THSD7B: variants seen among roughly 807,000 people sequenced by gnomAD.
THSD7B encodes thrombospondin type-1 domain-containing protein 7B.
Under a neutral mutation model 213.6 loss-of-function variants are expected in THSD7B, and 138 were observed. The ratio of observed to expected loss-of-function variants is 0.65; its 90% CI spans 0.56 to 0.74. The LOEUF (loss-of-function observed/expected upper bound fraction) is 0.74. Among genes scored for constraint, THSD7B ranks in the 30% least tolerant of loss-of-function variants. The pLI is 0.00. For synonymous variants in THSD7B, 742 were observed against 687.0 expected (o/e 1.08, Z -1.25); for missense variants, 1,931 against 1,991.5 (o/e 0.97, Z 0.58).
At chr2:137,462,506 C>T (rs771894952) in intron 15 of THSD7B, among the ~76,000 whole-genome samples, 10 of 152,002 alleles carry the variant, frequency 6.6e-5, no homozygotes, top group Non-Finnish European at 1.2e-4. Flanking sequence ...TAAGCCAATA[C>T]GAATTCATGA....
At chr2:137,431,796 A>G (rs980884016) in intron 14 of THSD7B, among the ~76,000 whole-genome samples, 8 of 152,340 alleles carry the variant, frequency 5.3e-5, no homozygotes, top group East Asian at 3.9e-4. Context: ...TATTGAAGTC[A>G]GGAGAAAGAA....
At chr2:137,150,439 C>T (rs1446844503) in intron 5 of THSD7B, among the ~76,000 whole-genome samples, 1 of 152,082 alleles carries the variant, frequency 6.6e-6, no homozygotes, top group Admixed American at 6.5e-5. Context: ...TACCTCCATG[C>T]TGTTCTCATG....
intron 17 of THSD7B, among the ~76,000 whole-genome samples, chr2:137,594,470 C>T (rs898188079): frequency 6.6e-6 from 1 of 151,972 alleles, no homozygotes; most frequent in African/African-American, 2.4e-5. Flanking sequence ...TAATGGCCCC[C>T]ACTTCTATAC....
chr2:137,533,135 T>G (rs1680431399), intron 15 of THSD7B, among the ~76,000 whole-genome samples: 1 of 151,720 alleles, frequency 6.6e-6, no homozygotes. Flanking sequence ...CAAAATATAT[T>G]TGTTTTCATT....
At chr2:137,183,366 A>T (rs1211017880) in intron 7 of THSD7B, among the ~76,000 whole-genome samples, 4 of 152,144 alleles carry the variant, frequency 2.6e-5, no homozygotes, top group Non-Finnish European at 5.9e-5. Flanking sequence ...AGATAACATG[A>T]AGGCTTAATG....
chr2:137,313,784 A>T (rs537094502), intron 12 of THSD7B, among the ~76,000 whole-genome samples: 30 of 152,288 alleles, frequency 2.0e-4, no homozygotes, highest in African/African-American at 7.2e-4. Context: ...TTGGCTGTAT[A>T]TGAAATTCTG....
At chr2:137,039,786 T>G (rs2104860444) in intron 2 of THSD7B, among the ~76,000 whole-genome samples, 1 of 152,340 alleles carries the variant, frequency 6.6e-6, no homozygotes, top group African/African-American at 2.4e-5. Flanking sequence ...ACAAACTTGC[T>G]TCCCCCCGTT....
chr2:136,788,456 T>C (rs1289301939), intron 1 of THSD7B, among the ~76,000 whole-genome samples: 1 of 152,204 alleles, frequency 6.6e-6, no homozygotes, highest in African/African-American at 2.4e-5. Flanking sequence ...ATCTGTTTGT[T>C]TTATAGTCAT....
intron 5 of THSD7B, among the ~76,000 whole-genome samples, chr2:137,118,534 G>A (rs1487975352): frequency 6.6e-6 from 1 of 152,176 alleles, no homozygotes; most frequent in East Asian, 1.9e-4. Context: ...TGGTGTGGTT[G>A]TAGTGGAGCA....
chr2:137,501,530 A>T (rs1199886690), intron 15 of THSD7B, among the ~76,000 whole-genome samples: 1 of 152,172 alleles, frequency 6.6e-6, no homozygotes, highest in Non-Finnish European at 1.5e-5. Flanking sequence ...ATGAAAATGA[A>T]TTCATTCTTC....
intron 14 of THSD7B, among the ~76,000 whole-genome samples, chr2:137,430,742 A>G (rs1022192336): frequency 6.6e-6 from 1 of 152,226 alleles, no homozygotes. Context: ...ATTTGAATAA[A>G]ATCAAAGGTA....
In THSD7B at chr2:137,616,035, A is replaced by G. The variant is rs892463572; in HGVS notation, c.3424-140A>G. ...TTATAATCATTCACAGAATGGTTTC[A>G]TTTTCTAAGTAATATGTTTAACCCT... On this transcript the variant is annotated intron_variant, in intron 17 of 27. Coordinates refer to ENST00000409968, the MANE Select transcript of THSD7B (RefSeq NM_001316349.2). 7.3e-6 allele frequency: 6 copies of G among 823,960 alleles called. No homozygotes were observed. In the African/African-American group the frequency reaches 8.9e-5, roughly 12 times the overall value. 51.0% of individuals were successfully genotyped at this position (823,960 alleles called of 1,614,324 possible).
At chr2:137,421,040 C>T (rs1343799720) in intron 14 of THSD7B, among the ~76,000 whole-genome samples, 1 of 5,770 alleles carries the variant, frequency 1.7e-4, no homozygotes, top group Non-Finnish European at 4.1e-3. Context: ...TGCAGCAAAC[C>T]TTTTGACTCC....
intron 1 of THSD7B, among the ~76,000 whole-genome samples, chr2:136,787,227 G>C (rs1681876605): frequency 6.6e-6 from 1 of 150,474 alleles, no homozygotes; most frequent in Non-Finnish European, 1.5e-5. Context: ...AATTGAAGTT[G>C]GATGATTCTT....
At chr2:137,315,932 A>G (rs745378854) in intron 12 of THSD7B, among the ~76,000 whole-genome samples, 2 of 151,926 alleles carry the variant, frequency 1.3e-5, no homozygotes, top group African/African-American at 2.4e-5. Flanking sequence ...CTAGTATGCT[A>G]TTTTTTTCAT....
intron 17 of THSD7B, among the ~76,000 whole-genome samples, chr2:137,601,352 C>A (rs1682073101): frequency 6.6e-6 from 1 of 152,092 alleles, no homozygotes; most frequent in Non-Finnish European, 1.5e-5. Context: ...TAGAGGTGTA[C>A]CATTTTTTAA....
intron 12 of THSD7B, among the ~76,000 whole-genome samples, chr2:137,305,809 A>C (rs1279668902): frequency 3.9e-5 from 6 of 152,068 alleles, no homozygotes; most frequent in Admixed American, 2.6e-4. Context: ...AACATCATAG[A>C]GTGTACTTAC....
intron 12 of THSD7B, among the ~76,000 whole-genome samples, chr2:137,401,708 G>C (rs1338755981): frequency 6.7e-6 from 1 of 148,360 alleles, no homozygotes; most frequent in Non-Finnish European, 1.5e-5. Context: ...TAAGAGAGCT[G>C]TGGTCTTCAG....
chr2:137,000,391 A>G (rs58552600), intron 2 of THSD7B, among the ~76,000 whole-genome samples: 2,486 of 152,272 alleles, frequency 0.016, 39 homozygotes, highest in East Asian at 0.075. Flanking sequence ...TTTAATGCTT[A>G]ATCTCATTTA....
Sources: gnomAD v4.1 joint callset for allele counts (sites outside exome capture counted in the v4.1 genomes callset) on GRCh38, gnomAD v4.1.1 for gene constraint, MANE v1.5 for transcripts, NCBI Gene and HGNC (gene_info 2026-07-23, HGNC 2026-07-21) for gene names.